Variants in OPCML observed in about 807,000 individuals in gnomAD.
The protein encoded by OPCML is opioid-binding protein/cell adhesion molecule.
A neutral mutation model predicts 37.8 loss-of-function variants in OPCML; 13 were observed. The ratio of observed to expected loss-of-function variants is 0.34; its 90% confidence interval spans 0.22 to 0.55. OPCML has a LOEUF of 0.55. OPCML is among the 20% of genes least tolerant of loss of function. OPCML has a pLI of 0.91. For missense variants in OPCML, 341 were observed against 435.6 expected, an observed-to-expected ratio of 0.78 and a Z score of 1.93; for synonymous variants, 176 against 168.8, an observed-to-expected ratio of 1.04 and a Z score of -0.33.
intron 1 of OPCML, among the ~76,000 whole-genome samples, chr11:132,989,595 C>A (rs1478618222): frequency 7.1e-6 from 1 of 140,004 alleles, no homozygotes; most frequent in Non-Finnish European, 1.5e-5. Context: ...ATGCCAAGGT[C>A]CTAGAGCGTG....
At position 133,491,453 on chromosome 11, in the gene OPCML, T is replaced by C. The variant is rs563721269; in HGVS notation, c.61+40811A>G. On this transcript the variant is annotated intron_variant, in intron 1 of 7. Coordinates refer to ENST00000524381, the MANE Select transcript of OPCML (RefSeq NM_001012393.5). ...AGAAGAGGCTGGGCTGGGAACATTC[T>C]TATTGTGTGGTTATAGTTTGGCTCC... is the stretch of plus-strand genomic sequence containing the variant. 3.9e-5 allele frequency among the ~76,000 whole-genome samples: 6 copies of C among 152,290 alleles called. No homozygotes were observed. The East Asian group carries it at 1.2e-3, about 29-fold the overall frequency.
At chr11:132,585,897 G>A (rs75533930) in intron 3 of OPCML, among the ~76,000 whole-genome samples, 3,839 of 152,224 alleles carry the variant, frequency 0.025, 175 homozygotes, top group African/African-American at 0.088. Context: ...TTCCTAAAGG[G>A]ACTGAAAGCC....
intron 1 of OPCML, among the ~76,000 whole-genome samples, chr11:133,342,525 C>A (rs1203290362): frequency 6.6e-6 from 1 of 152,184 alleles, no homozygotes; most frequent in Non-Finnish European, 1.5e-5. Flanking sequence ...AATCTCCCTG[C>A]CGCCTACTGA....
intron 2 of OPCML, among the ~76,000 whole-genome samples, chr11:132,801,861 A>C (rs906365033): frequency 6.6e-6 from 1 of 152,194 alleles, no homozygotes; most frequent in African/African-American, 2.4e-5. Context: ...GTCTGCCCTC[A>C]AAGCAATTAC....
At chr11:132,955,537 A>AT (rs34617912) in intron 1 of OPCML, among the ~76,000 whole-genome samples, 78,357 of 151,918 alleles carry the variant, frequency 0.52, 20,415 homozygotes, top group East Asian at 0.72. Flanking sequence ...TGATAAAGCA[A>AT]TATATAGAGA....
At chr11:133,312,706 G>T (rs1225152059) in intron 1 of OPCML, among the ~76,000 whole-genome samples, 1 of 152,110 alleles carries the variant, frequency 6.6e-6, no homozygotes, top group Non-Finnish European at 1.5e-5. Context: ...ACTTGCAAGG[G>T]GTTCACCACC....
chr11:132,721,175 G>A (rs1183156802), intron 2 of OPCML, among the ~76,000 whole-genome samples: 1 of 152,154 alleles, frequency 6.6e-6, no homozygotes, highest in Non-Finnish European at 1.5e-5. Flanking sequence ...ACAAAGCTGA[G>A]AAACGAACTT....
intron 3 of OPCML, among the ~76,000 whole-genome samples, chr11:132,577,250 A>G (rs901623149): frequency 2.6e-5 from 4 of 152,172 alleles, no homozygotes; most frequent in South Asian, 2.1e-4. Context: ...CTAGTCCTCT[A>G]TCTTGCTGAT....
chr11:133,195,664 T>G (rs1938508961), intron 1 of OPCML, among the ~76,000 whole-genome samples: 1 of 152,198 alleles, frequency 6.6e-6, no homozygotes, highest in Non-Finnish European at 1.5e-5. Flanking sequence ...GAAGTGGTCT[T>G]TGTCTTCAAA....
chr11:133,469,116 A>G (rs1396608718), intron 1 of OPCML, among the ~76,000 whole-genome samples: 1 of 152,192 alleles, frequency 6.6e-6, no homozygotes, highest in Non-Finnish European at 1.5e-5. Context: ...GAATGACTAG[A>G]TAAGTGTTAC....
chr11:132,636,132 G>A (rs1379096360), intron 3 of OPCML, among the ~76,000 whole-genome samples: 1 of 152,024 alleles, frequency 6.6e-6, no homozygotes, highest in Non-Finnish European at 1.5e-5. Context: ...TTTTAGGGTC[G>A]ATGTAAGTGC....
chr11:133,050,207 C>T (rs559487944), intron 1 of OPCML, among the ~76,000 whole-genome samples: 1 of 152,326 alleles, frequency 6.6e-6, no homozygotes, highest in African/African-American at 2.4e-5. Context: ...TCATGGTCTT[C>T]CTCTCCTGAC....
At chr11:132,759,636 C>T (rs1309939870) in intron 2 of OPCML, among the ~76,000 whole-genome samples, 1 of 152,116 alleles carries the variant, frequency 6.6e-6, no homozygotes, top group African/African-American at 2.4e-5. Context: ...TCTTTGGGAT[C>T]AGTGGTGATA....
chr11:132,611,409 A>T (rs1938632754), intron 3 of OPCML, among the ~76,000 whole-genome samples: 1 of 152,178 alleles, frequency 6.6e-6, no homozygotes, highest in African/African-American at 2.4e-5. Flanking sequence ...ACCTGCAACT[A>T]AAAATAATCC....
At chr11:132,936,029 G>A (rs1160229653) in intron 2 of OPCML, among the ~76,000 whole-genome samples, 2 of 152,184 alleles carry the variant, frequency 1.3e-5, no homozygotes, top group Non-Finnish European at 2.9e-5. Context: ...CCTGGTGGGT[G>A]TCATGTTGCT....
In OPCML at chr11:132,931,373, G is replaced by A. The variant is rs185207799; in HGVS notation, c.146+11553C>T. The stretch of plus-strand genomic sequence containing the variant: ...TTCATCAAAAGACACTATCAAAAGA[G>A]TAATAAGGCAATCCACAGAATGGGA... On this transcript the variant is annotated intron_variant, in intron 2 of 7. Coordinates refer to ENST00000524381, the MANE Select transcript of OPCML (RefSeq NM_001012393.5). Among the ~76,000 whole-genome samples, 37 of 152,210 alleles carry A rather than the reference G, an allele frequency of 2.4e-4. No homozygotes were observed. The East Asian group carries it at 7.0e-3, about 29-fold the overall frequency.
chr11:133,216,815 T>C (rs1939603038), intron 1 of OPCML, among the ~76,000 whole-genome samples: 1 of 152,224 alleles, frequency 6.6e-6, no homozygotes, highest in Non-Finnish European at 1.5e-5. Context: ...TACTTAAGCC[T>C]TTTTATTGGG....
At chr11:132,451,678 G>A (rs11223080) in intron 4 of OPCML, among the ~76,000 whole-genome samples, 8,971 of 152,216 alleles carry the variant, frequency 0.059, 399 homozygotes, top group African/African-American at 0.11. Context: ...CCCCTGCTGT[G>A]GGGCCTCCAT....
chr11:133,344,056 G>A (rs1012531702), intron 1 of OPCML, among the ~76,000 whole-genome samples: 17 of 152,192 alleles, frequency 1.1e-4, no homozygotes, highest in African/African-American at 4.1e-4. Context: ...TTGACAAGGT[G>A]CGCTGCAGAC....
Sources: gnomAD v4.1 joint callset for allele counts (sites outside exome capture counted in the v4.1 genomes callset) on GRCh38, gnomAD v4.1.1 for gene constraint, MANE v1.5 for transcripts, NCBI Gene and HGNC (gene_info 2026-07-23, HGNC 2026-07-21) for gene names.